KIF13A: variants seen among roughly 807,000 people sequenced by gnomAD.
KIF13A encodes the protein kinesin-like protein KIF13A.
Under a neutral mutation model 212.2 loss-of-function variants are expected in KIF13A, and 79 were observed. The ratio of observed to expected loss-of-function variants is 0.37; its 90% CI spans 0.31 to 0.45. KIF13A has a LOEUF of 0.45. Ranked by LOEUF, KIF13A falls within the 20% of genes least tolerant of loss-of-function variation. KIF13A has a pLI of 1.00. For synonymous variants in KIF13A, 789 were observed against 808.6 expected (o/e 0.98, Z 0.41); for missense variants, 1,901 against 2,209.0 (o/e 0.86, Z 2.79).
Position 17,780,754 on chromosome 6 carries a change from A to G in KIF13A, c.3822T>C (p.Ile1274=). 1 of 1,614,016 alleles carries G rather than the reference A, an allele frequency of 6.2e-7. No homozygotes were observed. Among genetic ancestry groups the G allele is most frequent in the Non-Finnish European group, 8.5e-7 (1 of 1,179,886 alleles). ...AAMELVLRKR[I]AANIYNKQSF... ...CCTGTTTGTTGTAAATATTGGCTGC[A>G]ATTCGTTTTCGTAATACTAACTCCA... is the stretch of plus-strand genomic sequence containing the variant. Residue 1274 remains isoleucine (I), a synonymous_variant, in exon 31 of 39, where the codon ATT becomes ATC. Coordinates refer to ENST00000259711, the MANE Select transcript of KIF13A (RefSeq NM_022113.6).
At chr6:17,986,964 T>C (rs938463237) in intron 2 of KIF13A, 90 bp downstream of exon 2, 8 of 911,452 alleles carry the variant, frequency 8.8e-6, no homozygotes, top group East Asian at 2.6e-5. Context: ...CTCCTAACAA[T>C]AGGAAAGAGC....
intron 17 of KIF13A, among the ~76,000 whole-genome samples, chr6:17,813,638 C>T (rs1444219807): frequency 6.6e-6 from 1 of 152,020 alleles, no homozygotes; most frequent in African/African-American, 2.4e-5. Context: ...CCTTGCGCTG[C>T]AGGGCAGGGT....
chr6:17,874,263 A>ATGTTTTTGTTTTTGTTTT (rs376102077), intron 3 of KIF13A, among the ~76,000 whole-genome samples: 1 of 115,812 alleles, frequency 8.6e-6, no homozygotes, highest in Non-Finnish European at 1.9e-5. Context: ...CCAGCAAAGC[A>ATGTTTTTGTTTTTGTTTT]TGTTTTTGTT....
At chr6:17,866,361 T>C (rs1769371631) in intron 4 of KIF13A, among the ~76,000 whole-genome samples, 1 of 152,100 alleles carries the variant, frequency 6.6e-6, no homozygotes, top group Non-Finnish European at 1.5e-5. Flanking sequence ...AGCACTTCAA[T>C]ATGACTTCCT....
In KIF13A at chr6:17,826,760, G is replaced by A. The variant is rs1313182486; in HGVS notation, c.1533-636C>T. Among the ~76,000 whole-genome samples the A allele has an allele frequency of 6.6e-6, 1 of 152,098 alleles. No homozygotes were observed. Among genetic ancestry groups the A allele is most frequent in the Non-Finnish European group, 1.5e-5 (1 of 68,034 alleles). On this transcript the variant is annotated intron_variant, in intron 14 of 38. Transcript: ENST00000259711. This position sits in a 1 kb window ranked among gnomAD's most constrained non-coding sequence, Gnocchi z 4.7. ...AACTGGGGAAATCTGAACACTGACT[G>A]GCTATATGAAGATTAGTAACGAATT...
At chr6:17,763,619 C>G (rs1758698837), downstream of KIF13A, 2 of 170,760 alleles carry the variant, frequency 1.2e-5, no homozygotes, top group African/African-American at 2.4e-5. Flanking sequence ...AAACGACTGT[C>G]TATTTCCAAT....
chr6:17,973,784 T>G (rs1780029802), intron 2 of KIF13A, among the ~76,000 whole-genome samples: 1 of 152,168 alleles, frequency 6.6e-6, no homozygotes, highest in South Asian at 2.1e-4. Flanking sequence ...ATGCTGCTGC[T>G]CCATAGCCCA....
intron 3 of KIF13A, among the ~76,000 whole-genome samples, chr6:17,889,230 T>C (rs1026675915): frequency 1.3e-5 from 2 of 152,244 alleles, no homozygotes; most frequent in Non-Finnish European, 1.5e-5. Context: ...TTTTGGTATG[T>C]ATCTGTGTGC....
At chr6:17,802,018 T>C (rs1762509201) in intron 20 of KIF13A, among the ~76,000 whole-genome samples, 1 of 152,332 alleles carries the variant, frequency 6.6e-6, no homozygotes, top group East Asian at 1.9e-4. Context: ...GTCTTAATTA[T>C]ATTTCATAAC....
rs931430806 is a variant in KIF13A at position 17,955,423 on chromosome 6, T to C, written c.146+31631A>G. Among the ~76,000 whole-genome samples, 32 of 152,360 alleles carry C rather than the reference T, an allele frequency of 2.1e-4. 1 individual carries two copies. Among genetic ancestry groups the C allele is most frequent in the African/African-American group, 6.0e-4 (25 of 41,582 alleles). On this transcript the variant is annotated intron_variant, in intron 2 of 38. Coordinates refer to ENST00000259711, the MANE Select transcript of KIF13A (RefSeq NM_022113.6). ...GTAACTGATAGGGCAAAGCTTCATG[T>C]AGACTTTTGCCACTTCACACCAATT... is the stretch of plus-strand genomic sequence containing the variant.
chr6:17,901,227 C>T (rs901543940), intron 2 of KIF13A, among the ~76,000 whole-genome samples: 2 of 151,900 alleles, frequency 1.3e-5, no homozygotes, highest in Non-Finnish European at 2.9e-5. Flanking sequence ...ACTCTAGAGG[C>T]TATATGTCCT....
At position 17,789,811 on chromosome 6, in the gene KIF13A, G is replaced by A. The variant is rs1054933089; in HGVS notation, c.3261+61C>T. On this transcript the variant is annotated intron_variant, in intron 26 of 38. Transcript: ENST00000259711. The surrounding 1 kb of genome is among the most constrained non-coding windows in gnomAD (Gnocchi z 4.8). ...TCCTCCTCCCTGGCCTCTGCTTTGC[G>A]AATGCTGGCAATTAGCAGTAGCTGT... 11 of 1,464,136 alleles carry A rather than the reference G, an allele frequency of 7.5e-6. No homozygotes were observed. The African/African-American group carries it at 9.7e-5, about 13-fold the overall frequency. 90.7% of individuals were successfully genotyped at this position (1,464,136 alleles called of 1,614,324 possible). A position where few individuals can be genotyped will look rare whatever the true frequency, so the allele number is the denominator to read the frequency against.
At chr6:17,851,530 A>G (rs2150400481) in intron 7 of KIF13A, among the ~76,000 whole-genome samples, 1 of 152,362 alleles carries the variant, frequency 6.6e-6, no homozygotes, top group East Asian at 1.9e-4. Context: ...CAGGCCGGTC[A>G]ATGGCAAGAG....
In KIF13A at chr6:17,897,328, C is replaced by A. The variant is rs964921051; in HGVS notation, c.159+840G>T. ...TTGTGTAGGTAAAGCCTGTTCTAATCCTATCTCAAGAACCACAGCTATAAT... is the reference window on the plus strand; with the variant it reads ...TTGTGTAGGTAAAGCCTGTTCTAATACTATCTCAAGAACCACAGCTATAAT... On this transcript the variant is annotated intron_variant, in intron 3 of 38. Transcript: ENST00000259711. This position sits in a 1 kb window ranked among gnomAD's most constrained non-coding sequence, Gnocchi z 4.8. Among the ~76,000 whole-genome samples the A allele has an allele frequency of 6.6e-6, 1 of 152,170 alleles. No individual in the cohort carries two copies. Among genetic ancestry groups the A allele is most frequent in the Non-Finnish European group, 1.5e-5 (1 of 68,024 alleles).
intron 2 of KIF13A, among the ~76,000 whole-genome samples, chr6:17,945,972 G>C (rs939839757): frequency 6.6e-6 from 1 of 152,030 alleles, no homozygotes; most frequent in African/African-American, 2.4e-5. Flanking sequence ...ATCTTGATGG[G>C]GCGAAATTAA....
chr6:17,906,408 C>T (rs771225874), intron 2 of KIF13A, among the ~76,000 whole-genome samples: 26 of 143,362 alleles, frequency 1.8e-4, no homozygotes, highest in Non-Finnish European at 3.5e-4. Flanking sequence ...TCCCCCTTTC[C>T]CTTTCCCCTT....
chr6:17,814,576 A>T (rs1763756452), intron 17 of KIF13A, among the ~76,000 whole-genome samples: 1 of 26,252 alleles, frequency 3.8e-5, no homozygotes, highest in Non-Finnish European at 9.5e-5. Flanking sequence ...ACTATTAATT[A>T]TTATAACACA....
chr6:17,893,341 C>A (rs575249800), intron 3 of KIF13A, among the ~76,000 whole-genome samples: 1 of 152,052 alleles, frequency 6.6e-6, no homozygotes, highest in African/African-American at 2.4e-5. Flanking sequence ...AGAAGCTCTG[C>A]CTGTTTTTCA....
intron 9 of KIF13A, among the ~76,000 whole-genome samples, chr6:17,847,546 G>A (rs531500095): frequency 1.3e-5 from 2 of 152,268 alleles, no homozygotes; most frequent in Non-Finnish European, 2.9e-5. Flanking sequence ...AATGCAAGCT[G>A]TGCAAACATG....
Sources: allele counts gnomAD v4.1 joint callset (sites outside exome capture counted in the v4.1 genomes callset), GRCh38; gene constraint gnomAD v4.1.1; non-coding constraint Gnocchi (gnomAD v3.1); transcripts MANE v1.5; gene names NCBI Gene and HGNC (gene_info 2026-07-23, HGNC 2026-07-21).